ROBO2: variants seen among roughly 807,000 people sequenced by gnomAD.
ROBO2 encodes the protein roundabout homolog 2.
A neutral mutation model predicts 160.8 loss-of-function variants in ROBO2; 53 were observed. The ratio of observed to expected loss-of-function variants is 0.33; its 90% CI spans 0.26 to 0.41. The LOEUF (loss-of-function observed/expected upper bound fraction) is 0.41. ROBO2 is among the 10% of genes least tolerant of loss of function. The pLI is 1.00. For synonymous variants in ROBO2, 664 were observed against 611.7 expected (o/e 1.09, Z -1.26); for missense variants, 1,577 against 1,722.4 (o/e 0.92, Z 1.49).
intron 19 of ROBO2, among the ~76,000 whole-genome samples, chr3:77,599,482 C>T (rs1289972243): frequency 1.5e-5 from 2 of 130,738 alleles, no homozygotes; most frequent in Admixed American, 9.2e-5. Flanking sequence ...GAACATCACA[C>T]ACCGGGGCCT....
At chr3:76,697,611 A>T (rs111524191) in intron 2 of ROBO2, among the ~76,000 whole-genome samples, 1 of 152,106 alleles carries the variant, frequency 6.6e-6, no homozygotes, top group Admixed American at 6.6e-5. Flanking sequence ...GCAACACTGC[A>T]CTCCAGCCTG....
rs1350150826 is a variant in ROBO2, at chr3:76,318,467, A to G, written c.109+380865A>G. Among the ~76,000 whole-genome samples, 5 of 152,270 alleles carry G rather than the reference A, an allele frequency of 3.3e-5. No individual in the cohort carries two copies. In the East Asian group the frequency reaches 9.6e-4, roughly 29 times the overall value. ...CCAAATTACACACATGCATATACAC[A>G]TATTTACAAACATATACACACACAT... is the stretch of plus-strand genomic sequence containing the variant. On this transcript the variant is annotated intron_variant, in intron 2 of 26. Coordinates refer to the ROBO2 transcript ENST00000487694.
intron 2 of ROBO2, among the ~76,000 whole-genome samples, chr3:76,739,655 G>T (rs2093771239): frequency 6.6e-6 from 1 of 152,106 alleles, no homozygotes; most frequent in Non-Finnish European, 1.5e-5. Context: ...TTTGGTTGAT[G>T]TATTTTCTTG....
At chr3:75,989,943 T>A (rs1433290620) in intron 2 of ROBO2, among the ~76,000 whole-genome samples, 1 of 152,226 alleles carries the variant, frequency 6.6e-6, no homozygotes, top group Non-Finnish European at 1.5e-5. Flanking sequence ...TCCTTTTAAT[T>A]GGCATGTGTG....
At chr3:77,352,494 A>G (rs1430229354) in intron 2 of ROBO2, among the ~76,000 whole-genome samples, 2 of 152,166 alleles carry the variant, frequency 1.3e-5, no homozygotes, top group African/African-American at 2.4e-5. Context: ...TCTAAAGTCA[A>G]TGACATCCTG....
chr3:76,543,637 C>A (rs73129129), intron 2 of ROBO2, among the ~76,000 whole-genome samples: 2 of 151,950 alleles, frequency 1.3e-5, no homozygotes, highest in African/African-American at 2.4e-5. Context: ...TCTGTGACCA[C>A]GGTTTTGATG....
intron 1 of ROBO2, among the ~76,000 whole-genome samples, chr3:77,083,598 T>C (rs555522565): frequency 3.9e-5 from 6 of 152,156 alleles, no homozygotes; most frequent in Non-Finnish European, 5.9e-5. Flanking sequence ...TGAAATTATG[T>C]CGAGAGACAC....
intron 2 of ROBO2, among the ~76,000 whole-genome samples, chr3:77,425,305 G>T (rs979941215): frequency 6.6e-6 from 1 of 152,124 alleles, no homozygotes; most frequent in Non-Finnish European, 1.5e-5. Context: ...ATTGCTGGAA[G>T]TATGTTAAGA....
chr3:76,481,891 C>A (rs891610222), intron 2 of ROBO2, among the ~76,000 whole-genome samples: 1 of 152,084 alleles, frequency 6.6e-6, no homozygotes, highest in African/African-American at 2.4e-5. Flanking sequence ...TTTCTTCATC[C>A]AGGCAGAATA....
chr3:76,096,456 T>C (rs1299756776), intron 2 of ROBO2, among the ~76,000 whole-genome samples: 3 of 152,168 alleles, frequency 2.0e-5, no homozygotes, highest in Non-Finnish European at 4.4e-5. Context: ...TTTAATTACC[T>C]CCAATTCAAA....
intron 2 of ROBO2, among the ~76,000 whole-genome samples, chr3:76,645,674 T>A (rs2090929341): frequency 6.6e-6 from 1 of 152,118 alleles, no homozygotes; most frequent in Non-Finnish European, 1.5e-5. Context: ...TTAGAGAATT[T>A]GAAAAAGATG....
chr3:76,353,773 A>G (rs1417772629), intron 2 of ROBO2, among the ~76,000 whole-genome samples: 1 of 151,932 alleles, frequency 6.6e-6, no homozygotes, highest in Non-Finnish European at 1.5e-5. Flanking sequence ...TTAAGAAAAT[A>G]TATTTTCTTA....
At chr3:76,129,543 T>A (rs550653850) in intron 2 of ROBO2, among the ~76,000 whole-genome samples, 1 of 152,224 alleles carries the variant, frequency 6.6e-6, no homozygotes, top group African/African-American at 2.4e-5. Flanking sequence ...AACTCTACAC[T>A]TAGGACTAAA....
chr3:76,931,412 G>C (rs1250062058), intron 2 of ROBO2, among the ~76,000 whole-genome samples: 1 of 152,102 alleles, frequency 6.6e-6, no homozygotes, highest in Non-Finnish European at 1.5e-5. Context: ...CACATTTTCT[G>C]TAGGTCAAGC....
chr3:77,641,008 A>G (rs1278658384), intron 24 of ROBO2, among the ~76,000 whole-genome samples: 1 of 152,216 alleles, frequency 6.6e-6, no homozygotes, highest in East Asian at 1.9e-4. Context: ...TTATTTTGGA[A>G]GAAAATACAA....
intron 2 of ROBO2, among the ~76,000 whole-genome samples, chr3:76,592,650 C>T (rs1274800359): frequency 2.0e-5 from 3 of 152,062 alleles, no homozygotes; most frequent in Non-Finnish European, 4.4e-5. Flanking sequence ...AAATTAGTGG[C>T]TTAAAATAGC....
chr3:76,543,638 G>T (rs1025068084), intron 2 of ROBO2, among the ~76,000 whole-genome samples: 1 of 151,932 alleles, frequency 6.6e-6, no homozygotes, highest in Non-Finnish European at 1.5e-5. Flanking sequence ...CTGTGACCAC[G>T]GTTTTGATGT....
At chr3:76,636,731 C>T (rs1187549362) in intron 2 of ROBO2, among the ~76,000 whole-genome samples, 2 of 152,074 alleles carry the variant, frequency 1.3e-5, no homozygotes, top group Non-Finnish European at 2.9e-5. Context: ...AGGACCCAAC[C>T]ATAGCTCCCA....
intron 2 of ROBO2, among the ~76,000 whole-genome samples, chr3:76,344,474 T>C (rs552568024): frequency 2.5e-4 from 38 of 152,274 alleles, no homozygotes; most frequent in African/African-American, 7.9e-4. Context: ...ATCAAGGGAA[T>C]GTTCTTTAAG....
Sources: allele counts gnomAD v4.1 joint callset (sites outside exome capture counted in the v4.1 genomes callset), GRCh38; gene constraint gnomAD v4.1.1; transcripts MANE v1.5; gene names NCBI Gene and HGNC (gene_info 2026-07-23, HGNC 2026-07-21).